Variants in LTF observed in about 807,000 individuals in gnomAD.
LTF encodes the protein lactotransferrin, also known as epididymis luminal protein 110.
In LTF, 91 loss-of-function variants were observed where a neutral mutation model predicts 87.2. The ratio of observed to expected loss-of-function variants is 1.04; its 90% confidence interval spans 0.88 to 1.24. The LOEUF is 1.24. LTF is among the 50% of genes most tolerant of loss of function. The pLI is 0.00. For synonymous variants in LTF, 378 were observed against 356.1 expected (o/e 1.06, Z -0.69); for missense variants, 901 against 904.3 (o/e 1.00, Z 0.05).
At chr3:46,456,687 G>A (rs1225726171) in intron 2 of LTF, among the ~76,000 whole-genome samples, 1 of 152,132 alleles carries the variant, frequency 6.6e-6, no homozygotes, top group African/African-American at 2.4e-5. Context: ...ATTTGAAGTC[G>A]TTTGTTCTAG....
intron 1 of LTF, among the ~76,000 whole-genome samples, chr3:46,482,646 AAG>A (rs1703457518): frequency 9.6e-6 from 1 of 104,314 alleles, no homozygotes; most frequent in African/African-American, 3.8e-5. Flanking sequence ...GAAAGAAAGA[AAG>A]AAAGAAAGAA....
chr3:46,440,266 A>G (rs771976671), intron 14 of LTF, among the ~76,000 whole-genome samples: 7 of 152,220 alleles, frequency 4.6e-5, no homozygotes, highest in Non-Finnish European at 7.3e-5. Flanking sequence ...CCAGAAAAAG[A>G]ATAGATGGTT....
intron 1 of LTF, among the ~76,000 whole-genome samples, chr3:46,472,618 A>T (rs893812731): frequency 6.6e-6 from 1 of 150,460 alleles, no homozygotes; most frequent in African/African-American, 2.5e-5. Flanking sequence ...GCAGCCTCGA[A>T]CTCCCAGGCT....
intron 8 of LTF, 46 bp downstream of exon 8, chr3:46,449,808 G>A (rs1209566152): frequency 6.2e-7 from 1 of 1,606,464 alleles, no homozygotes; most frequent in South Asian, 1.1e-5. Flanking sequence ...CTGGGAAGTA[G>A]AAGACCACAC....
At chr3:46,439,052 A>G (rs1702452797) in intron 15 of LTF, among the ~76,000 whole-genome samples, 2 of 152,196 alleles carry the variant, frequency 1.3e-5, no homozygotes, top group Non-Finnish European at 2.9e-5. Flanking sequence ...AGTGATGGCA[A>G]CAAGGCCAGG....
intron 1 of LTF, among the ~76,000 whole-genome samples, chr3:46,460,292 T>G (rs1029343545): frequency 6.6e-6 from 1 of 152,126 alleles, no homozygotes; most frequent in Non-Finnish European, 1.5e-5. Flanking sequence ...CTCTCTAGAT[T>G]GTTTTGTGCA....
chr3:46,452,545 T>C (rs141895054), intron 6 of LTF, among the ~76,000 whole-genome samples: 47 of 152,318 alleles, frequency 3.1e-4, no homozygotes, highest in Non-Finnish European at 4.0e-4. Flanking sequence ...TGAAAAGGAA[T>C]AATAAAGTGA....
chr3:46,457,165 G>A (rs989012534), intron 2 of LTF, among the ~76,000 whole-genome samples: 1 of 152,184 alleles, frequency 6.6e-6, no homozygotes, highest in African/African-American at 2.4e-5. Flanking sequence ...CCATCAACCG[G>A]TACCAGTCCG....
In LTF at chr3:46,448,965, G is replaced by A. The variant is rs61737000; in HGVS notation, c.1110C>T (p.Gly370=). The part of the protein sequence containing the change: ...RRARVVWCAV[G]EQELRKCNQW... Reference sequence around the variant, plus strand: ...GGTTACACTTGCGCAGCTCCTGCTCGCCCACCGCACACCACACGACCCGCG... The same window carrying A: ...GGTTACACTTGCGCAGCTCCTGCTCACCCACCGCACACCACACGACCCGCG... The change falls in exon 9 of 17, where the codon GGC becomes GGT. Residue 370 remains glycine (G), a synonymous_variant. Coordinates refer to ENST00000231751, the MANE Select transcript of LTF (RefSeq NM_002343.6). The A allele has an allele frequency of 0.015, 23,527 of 1,613,168 alleles. 1,519 individuals carry two copies. In the African/African-American group the frequency reaches 0.2, roughly 13 times the overall value.
At chr3:46,448,580 TG>T (rs776261585) in intron 9 of LTF, among the ~76,000 whole-genome samples, 2 of 152,112 alleles carry the variant, frequency 1.3e-5, no homozygotes, top group African/African-American at 4.8e-5. Context: ...ACAGGTGGTT[TG>T]GGGGGTTTGT....
Position 46,456,297 on chromosome 3 carries a change from G to A in LTF, c.309C>T (p.Thr103=), listed in dbSNP as rs200958017. The A allele has an allele frequency of 3.3e-5, 53 of 1,613,758 alleles. No individual in the cohort carries two copies. The highest frequency in any genetic ancestry group is 3.9e-5 in the Non-Finnish European group (46 of 1,179,868). The change falls in exon 3 of 17, where the codon ACC becomes ACT. Residue 103 remains threonine, a synonymous_variant. Coordinates refer to ENST00000231751, the MANE Select transcript of LTF (RefSeq NM_002343.6). ...LRPVAAEVYG[T]ERQPRTHYYA... Reference sequence around the variant, plus strand: ...TCCCCAGGCAGAACTCACGTCTTTCGGTCCCGTAGACTTCCGCCGCTACAG... The same window carrying A: ...TCCCCAGGCAGAACTCACGTCTTTCAGTCCCGTAGACTTCCGCCGCTACAG...
intron 1 of LTF, among the ~76,000 whole-genome samples, chr3:46,482,665 AAGGAAGGAAGGAAGGAAG>A (rs1703459828): frequency 1.2e-5 from 1 of 82,026 alleles, no homozygotes. Flanking sequence ...AGAAAGAAGG[AAGGAAGGAAGGAAGGAAG>A]GAAGGAAGGA....
upstream of LTF, among the ~76,000 whole-genome samples, chr3:46,467,172 C>A (rs1575325757): frequency 6.6e-6 from 1 of 152,176 alleles, no homozygotes; most frequent in African/African-American, 2.4e-5. Flanking sequence ...GGGGATGAGT[C>A]TGCCCCAAAA....
intron 9 of LTF, among the ~76,000 whole-genome samples, chr3:46,448,575 T>A (rs1180047342): frequency 1.3e-5 from 2 of 152,052 alleles, no homozygotes; most frequent in East Asian, 3.9e-4. Flanking sequence ...AGATCACAGG[T>A]GGTTTGGGGG....
upstream of LTF, among the ~76,000 whole-genome samples, chr3:46,466,067 C>T (rs1400087130): frequency 6.6e-6 from 1 of 152,082 alleles, no homozygotes; most frequent in African/African-American, 2.4e-5. Flanking sequence ...AGGGAAACCC[C>T]CATCTCTACA....
chr3:46,479,900 A>T (rs1703410618), intron 1 of LTF, among the ~76,000 whole-genome samples: 1 of 152,142 alleles, frequency 6.6e-6, no homozygotes, highest in Non-Finnish European at 1.5e-5. Flanking sequence ...ATTTTAAAGG[A>T]GGAGGTCATG....
Position 46,447,353 on chromosome 3 carries a change from T to C in LTF, c.1258A>G (p.Thr420Ala), listed in dbSNP as rs779242183. The change falls in exon 10 of 17, where the codon ACT becomes GCT. Residue 420 changes from threonine to alanine, a missense_variant. Thr to Ala is a moderately conservative substitution (Grantham distance 58). Coordinates refer to ENST00000231751, the MANE Select transcript of LTF (RefSeq NM_002343.6). ...GGCACCAAACCACATTTGCCTGCAG[T>C]GTACACATATCCTCCATCCAAACTC... ...AMSLDGGYVYTAGKCGLVPVL... is the reference protein window; with the variant it reads ...AMSLDGGYVYAAGKCGLVPVL... The C allele has an allele frequency of 6.2e-7, 1 of 1,614,180 alleles. No individual in the cohort carries two copies. Among genetic ancestry groups the C allele is most frequent in the East Asian group, 2.2e-5 (1 of 44,880 alleles).
rs199959753 is a variant in LTF, at chr3:46,455,786, G to A, written c.499+10C>T. 6.1e-5 allele frequency: 94 copies of A among 1,552,340 alleles called. 1 individual carries two copies. The highest frequency in any genetic ancestry group is 3.5e-4 in the Middle Eastern group (2 of 5,766). On this transcript the variant is annotated intron_variant, in intron 4 of 16. Coordinates refer to ENST00000231751, the MANE Select transcript of LTF (RefSeq NM_002343.6). ...GCCTGAGGCCACTCACTATCCCCCA[G>A]CCATCTTACCTGCCTCAATGGGCTC...
At chr3:46,454,105 A>G (rs1473309634) in intron 6 of LTF, 200 bp downstream of exon 6, 1 of 582,784 alleles carries the variant, frequency 1.7e-6, no homozygotes, top group Non-Finnish European at 3.1e-6. Context: ...TATGAGGGGA[A>G]GAGAAAGGCA....
Sources: allele counts gnomAD v4.1 joint callset (sites outside exome capture counted in the v4.1 genomes callset), GRCh38; gene constraint gnomAD v4.1.1; transcripts MANE v1.5; gene names NCBI Gene and HGNC (gene_info 2026-07-23, HGNC 2026-07-21).